The following EOGT variants were observed in gnomAD, a reference collection of about 807,000 sequenced individuals.
EOGT encodes the protein EGF domain specific O-linked N-acetylglucosamine transferase.
Under a neutral mutation model 70.5 loss-of-function variants are expected in EOGT, and 55 were observed. The ratio of observed to expected loss-of-function variants is 0.78; its 90% CI spans 0.63 to 0.98. The LOEUF (loss-of-function observed/expected upper bound fraction) is 0.98. Among genes scored for constraint, EOGT ranks in the 50% least tolerant of loss-of-function variants. The pLI is 0.00. For synonymous variants in EOGT, 246 were observed against 217.1 expected, an observed-to-expected ratio of 1.13 and a Z score of -1.17; for missense variants, 703 against 641.9, an observed-to-expected ratio of 1.10 and a Z score of -1.03.
At chr3:68,979,005 T>C (rs938905606) in intron 16 of EOGT, among the ~76,000 whole-genome samples, 2 of 152,220 alleles carry the variant, frequency 1.3e-5, no homozygotes, top group African/African-American at 2.4e-5. Context: ...ACTTTTTTCC[T>C]AAATAGCCTC....
intron 15 of EOGT, among the ~76,000 whole-genome samples, chr3:68,980,946 T>C (rs1380225670): frequency 2.0e-5 from 3 of 152,216 alleles, no homozygotes; most frequent in Non-Finnish European, 4.4e-5. Context: ...CAGTCAATGA[T>C]ACAGCCTCAG....
At chr3:69,004,311 T>G in intron 8 of EOGT, 67 bp downstream of exon 8, 1 of 1,178,740 alleles carries the variant, frequency 8.5e-7, no homozygotes, top group Non-Finnish European at 1.3e-6. Context: ...AGAGTCTCCA[T>G]TAATATCTGC....
In EOGT at chr3:68,979,673, A is replaced by C; in HGVS notation, c.1329T>G (p.Phe443Leu). 1 of 1,613,738 alleles carries C rather than the reference A, an allele frequency of 6.2e-7. No individual in the cohort carries two copies. ...LLFLPDWAAV[F>L]ELYNCEDERC... The stretch of plus-strand genomic sequence containing the variant: ...AACTGCCTCCCAACACTTACAGTTC[A>C]AATACAGCAGCCCAGTCTGGAAGGA... The change falls in exon 16 of 18, where the codon TTT (phenylalanine) becomes TTG (leucine). Residue 443 changes from phenylalanine to leucine, a missense_variant. Physicochemically the swap from Phe to Leu is conservative, Grantham distance 22. Transcript: ENST00000383701.
intron 4 of EOGT, 139 bp downstream of exon 4, chr3:69,009,498 T>G: frequency 1.6e-6 from 1 of 629,214 alleles, no homozygotes; most frequent in South Asian, 2.0e-5. Flanking sequence ...TTAGAAGTAT[T>G]ATATGAAACA....
At position 68,977,515 on chromosome 3, in the gene EOGT, G is replaced by T; in HGVS notation, c.*103C>A. The T allele has an allele frequency of 8.0e-7, 1 of 1,243,058 alleles. No individual in the cohort carries two copies. Among genetic ancestry groups the T allele is most frequent in the Non-Finnish European group, 1.2e-6 (1 of 868,350 alleles). 77.0% of individuals were successfully genotyped at this position (1,243,058 alleles called of 1,614,324 possible). On this transcript the variant is annotated 3_prime_UTR_variant, in exon 18 of 18. Coordinates refer to ENST00000383701, the MANE Select transcript of EOGT (RefSeq NM_001278689.2). ...GAAGGTATGTTTTGGCATAGAAAAG[G>T]TAATTCGGGGATAGGAAATAACAGA...
At position 69,012,685 on chromosome 3, in the gene EOGT, G is replaced by A. The variant is rs1238139592; in HGVS notation, c.-241C>T. On this transcript the variant is annotated 5_prime_UTR_variant, in exon 2 of 18. Coordinates refer to ENST00000383701, the MANE Select transcript of EOGT (RefSeq NM_001278689.2). ...GTCGTCCTGCAAGGCCCGCCGGGATGGGTGGCTGCACTCCTCCAGCACACG... is the reference window on the plus strand; with the variant it reads ...GTCGTCCTGCAAGGCCCGCCGGGATAGGTGGCTGCACTCCTCCAGCACACG... The A allele has an allele frequency of 6.6e-6, 1 of 152,454 alleles. No homozygotes were observed. Among genetic ancestry groups the A allele is most frequent in the Non-Finnish European group, 1.5e-5 (1 of 68,214 alleles). 9.4% of individuals were successfully genotyped at this position (152,454 alleles called of 1,614,324 possible).
chr3:69,002,679 G>T (rs1237258329), intron 8 of EOGT, among the ~76,000 whole-genome samples: 3 of 148,962 alleles, frequency 2.0e-5, no homozygotes, highest in Non-Finnish European at 3.0e-5. Flanking sequence ...TTTTGAGACA[G>T]GGTCTTGATC....
intron 14 of EOGT, 24 bp from the exon 15 acceptor site, chr3:68,982,896 A>G: frequency 6.3e-7 from 1 of 1,582,780 alleles, no homozygotes; most frequent in Non-Finnish European, 8.6e-7. Flanking sequence ...AGAAACATTT[A>G]GCATTTCTTT....
chr3:68,979,171 G>T (rs1236766496), intron 16 of EOGT, among the ~76,000 whole-genome samples: 1 of 152,116 alleles, frequency 6.6e-6, no homozygotes, highest in Admixed American at 6.6e-5. Context: ...TGAGAGGGAA[G>T]GTCATGTCTC....
rs2090477567 is a variant in EOGT at position 68,976,616 on chromosome 3, C to T, written c.*1002G>A. ...GCTGATCTATAACATGGTCCTATAG[C>T]TTGGTACTGAGAATCACAACTCTGC... On this transcript the variant is annotated 3_prime_UTR_variant, in exon 18 of 18. Transcript: ENST00000383701. 1 of 144,678 alleles carries T rather than the reference C, an allele frequency of 6.9e-6. No homozygotes were observed. The allele number at this position is 144,678 out of a possible 1,614,324, so 9.0% of individuals were successfully genotyped here.
chr3:69,005,575 C>T (rs149585282), intron 6 of EOGT, among the ~76,000 whole-genome samples: 313 of 152,236 alleles, frequency 2.1e-3, no homozygotes, highest in African/African-American at 7.3e-3. Context: ...ACTACCCCCA[C>T]AGCTATATGA....
At chr3:69,004,595 T>G (rs1260680444) in intron 7 of EOGT, 113 bp from the exon 8 acceptor site, 2 of 684,662 alleles carry the variant, frequency 2.9e-6, no homozygotes, top group Admixed American at 5.3e-5. Flanking sequence ...TTAAAAGAAT[T>G]TAACTATTTA....
intron 8 of EOGT, among the ~76,000 whole-genome samples, chr3:69,002,050 C>T (rs370639662): frequency 7.2e-5 from 11 of 152,094 alleles, no homozygotes; most frequent in East Asian, 5.8e-4. Flanking sequence ...ATTAGCTGGG[C>T]GTAGTGGCGA....
Position 68,979,879 on chromosome 3 carries a change from A to G in EOGT, c.1215-92T>C, listed in dbSNP as rs2090587068. On this transcript the variant is annotated intron_variant, in intron 15 of 17. Transcript: ENST00000383701. ...ATGATTCACAGTAAGGATATTTATA[A>G]AAGTGTATTGCCCATTTTAAACCAC... The G allele has an allele frequency of 3.1e-6, 4 of 1,294,482 alleles. No homozygotes were observed. In the African/African-American group the frequency reaches 6.0e-5, roughly 19 times the overall value. 80.2% of individuals were successfully genotyped at this position (1,294,482 alleles called of 1,614,324 possible).
At chr3:68,988,089 A>AT (rs1489900209) in intron 13 of EOGT, among the ~76,000 whole-genome samples, 1 of 152,058 alleles carries the variant, frequency 6.6e-6, no homozygotes, top group African/African-American at 2.4e-5. Context: ...TAATTTTTGT[A>AT]TTTTTTGCAG....
intron 8 of EOGT, among the ~76,000 whole-genome samples, chr3:69,003,003 T>C (rs1471938320): frequency 6.6e-6 from 1 of 152,156 alleles, no homozygotes; most frequent in Non-Finnish European, 1.5e-5. Flanking sequence ...ATTAACATTA[T>C]GTAAGTAACC....
chr3:68,987,433 C>T lies in EOGT; in HGVS notation c.1152+12G>A, dbSNP rs2090845262. ...AATATGAAGGCATTAAAAATGCATA[C>T]CAAAAACTAACCTCATTTTGGTTAA... On this transcript the variant is annotated intron_variant, in intron 14 of 17. Coordinates refer to ENST00000383701, the MANE Select transcript of EOGT (RefSeq NM_001278689.2). 6.2e-7 allele frequency: 1 copy of T among 1,603,360 alleles called. No individual in the cohort carries two copies. The highest frequency in any genetic ancestry group is 8.5e-7 in the Non-Finnish European group (1 of 1,172,250).
In EOGT at chr3:69,009,680, T is replaced by C. The variant is rs200278920; in HGVS notation, c.167A>G (p.His56Arg). Residue 56 changes from histidine to arginine, a missense_variant, in exon 4 of 18, where the codon CAT becomes CGT. Transcript: ENST00000383701. ...HIPFFLHNNRHIATVCRKDSL... is the reference protein window; with the variant it reads ...HIPFFLHNNRRIATVCRKDSL... ...GTCTTTCCTACAGACAGTGGCAATATGCCTATTGTTGTGCAAAAAGAAGGG... is the reference window on the plus strand; with the variant it reads ...GTCTTTCCTACAGACAGTGGCAATACGCCTATTGTTGTGCAAAAAGAAGGG... 5.0e-6 allele frequency: 8 copies of C among 1,614,066 alleles called. No individual in the cohort carries two copies. In the East Asian group the frequency reaches 1.8e-4, roughly 36 times the overall value.
intron 10 of EOGT, among the ~76,000 whole-genome samples, chr3:68,992,283 C>A (rs7430692): frequency 0.81 from 123,588 of 152,144 alleles, 50,370 homozygotes; most frequent in Admixed American, 0.85. Context: ...CAAGCTAGTT[C>A]CTTCCTAGAT....
Sources: gnomAD v4.1 joint callset for allele counts (sites outside exome capture counted in the v4.1 genomes callset) on GRCh38, gnomAD v4.1.1 for gene constraint, MANE v1.5 for transcripts, NCBI Gene and HGNC (gene_info 2026-07-23, HGNC 2026-07-21) for gene names.